LIPA: variants seen among roughly 807,000 people sequenced by gnomAD.
LIPA encodes the protein lysosomal acid lipase/cholesteryl ester hydrolase.
LIPA carries 26 observed loss-of-function variants against 40.6 expected under a neutral mutation model. That is an observed-to-expected ratio of 0.64 (90% CI 0.47 to 0.89). LIPA has a LOEUF of 0.89. Ranked by LOEUF, LIPA falls within the 40% of genes least tolerant of loss-of-function variation. The probability of loss-of-function intolerance (pLI) is 0.00; values close to 1 mark genes in which losing one functional copy is unlikely to be tolerated. For missense variants in LIPA, 455 were observed against 479.6 expected (o/e 0.95, Z 0.48); for synonymous variants, 188 against 168.4 (o/e 1.12, Z -0.90).
chr10:89,263,594 T>C (rs1843221012), intron 1 of LIPA, among the ~76,000 whole-genome samples: 1 of 152,218 alleles, frequency 6.6e-6, no homozygotes, highest in Admixed American at 6.5e-5. Context: ...TTGAGAAGCA[T>C]AGATTTAGTT....
At chr10:89,292,076 C>T (rs1325672592) in intron 1 of LIPA, 3 of 152,210 alleles carry the variant, frequency 2.0e-5, no homozygotes, top group African/African-American at 7.2e-5. Flanking sequence ...CCAGGAACAC[C>T]AGCCTTGGAC....
At chr10:89,251,611 G>T (rs756362803) in intron 1 of LIPA, 126 bp downstream of exon 1, 1 of 152,304 alleles carries the variant, frequency 6.6e-6, no homozygotes, top group African/African-American at 2.4e-5. Flanking sequence ...GGCAAGACTC[G>T]CTGGGTCCAA....
intron 2 of LIPA, among the ~76,000 whole-genome samples, chr10:89,364,544 C>A (rs867161791): frequency 3.3e-5 from 5 of 151,914 alleles, no homozygotes; most frequent in African/African-American, 1.2e-4. Flanking sequence ...TATTGAGATA[C>A]CTTATAATAT....
chr10:89,281,761 G>A (rs763873385), intron 1 of LIPA, among the ~76,000 whole-genome samples: 1 of 152,228 alleles, frequency 6.6e-6, no homozygotes, highest in Non-Finnish European at 1.5e-5. Flanking sequence ...GCCAGTTTTA[G>A]GGAAAGTATT....
intron 1 of LIPA, chr10:89,307,193 G>C: frequency 6.2e-7 from 1 of 1,613,944 alleles, no homozygotes; most frequent in Non-Finnish European, 8.5e-7. Flanking sequence ...AAAGATGAAA[G>C]ACAAACTGCA....
At position 89,386,403 on chromosome 10, in the gene LIPA, G is replaced by A. The variant is rs141460015; in HGVS notation, c.61+26388C>T. Reference sequence around the variant, plus strand: ...CAGGAGTAACACCTTTTTCAACTTTGTTGATAGTAAACAAAGAACGTACTT... The same window carrying A: ...CAGGAGTAACACCTTTTTCAACTTTATTGATAGTAAACAAAGAACGTACTT... On this transcript the variant is annotated intron_variant, in intron 2 of 8. Transcript: ENST00000371837. Among the ~76,000 whole-genome samples, 94 of 152,250 alleles carry A rather than the reference G, an allele frequency of 6.2e-4. 1 individual carries two copies. The East Asian group carries it at 0.015, about 24-fold the overall frequency.
At position 89,215,040 on chromosome 10, in the gene LIPA, C is replaced by T; in HGVS notation, c.988G>A (p.Val330Met). 1 of 1,613,360 alleles carries T rather than the reference C, an allele frequency of 6.2e-7. No homozygotes were observed. Among genetic ancestry groups the T allele is most frequent in the South Asian group, 1.1e-5 (1 of 91,070 alleles). The change falls in exon 10 of 10, where the codon GTG (valine) becomes ATG (methionine). Residue 330 changes from valine to methionine, a missense_variant. Physicochemically the swap from Val to Met is conservative, Grantham distance 21 (BLOSUM62 1). Transcript: ENST00000336233. ...YNQSYPPTYNVKDMLVPTAVW... is the reference protein window; with the variant it reads ...YNQSYPPTYNMKDMLVPTAVW... ...GCAGTCGGCACAAGCATGTCCTTCA[C>T]ATTGTATGTGGGAGGATAACTCTAC...
chr10:89,279,680 C>T (rs1843305683), intron 1 of LIPA, among the ~76,000 whole-genome samples: 1 of 152,156 alleles, frequency 6.6e-6, no homozygotes. Flanking sequence ...AAAAAGTGAC[C>T]TTCCCATGCT....
intron 2 of LIPA, among the ~76,000 whole-genome samples, chr10:89,359,049 C>T (rs1013018327): frequency 1.6e-4 from 25 of 152,094 alleles, no homozygotes; most frequent in Admixed American, 1.6e-3. Context: ...AGGAGGATGC[C>T]CATCAGCCAG....
chr10:89,260,992 C>T (rs545034611), intron 1 of LIPA, among the ~76,000 whole-genome samples: 1 of 152,312 alleles, frequency 6.6e-6, no homozygotes, highest in East Asian at 1.9e-4. Flanking sequence ...GTGACACATT[C>T]CAGCACCAGA....
chr10:89,245,571 T>A, intron 3 of LIPA, 105 bp downstream of exon 3: 1 of 767,392 alleles, frequency 1.3e-6, no homozygotes, highest in South Asian at 1.4e-5. Flanking sequence ...AGTGCTTTCG[T>A]CTAAAAATAA....
intron 1 of LIPA, chr10:89,291,925 A>G (rs940896264): frequency 6.6e-6 from 1 of 152,212 alleles, no homozygotes; most frequent in Non-Finnish European, 1.5e-5. Context: ...AATGTGATGT[A>G]TGTCATTTCC....
intron 4 of LIPA, 114 bp from the exon 5 acceptor site, chr10:89,227,118 G>T (rs11203040): frequency 4.0e-6 from 3 of 751,210 alleles, no homozygotes; most frequent in Non-Finnish European, 4.8e-6. Flanking sequence ...GGGAAAACCA[G>T]CAGTGAGTCC....
chr10:89,405,020 A>G (rs558893275), intron 2 of LIPA: 1 of 152,352 alleles, frequency 6.6e-6, no homozygotes, highest in African/African-American at 2.4e-5. Context: ...AACACTATCA[A>G]TAAATAGCTT....
intron 2 of LIPA, among the ~76,000 whole-genome samples, chr10:89,398,257 A>G (rs1308599265): frequency 2.6e-5 from 4 of 152,228 alleles, no homozygotes; most frequent in Admixed American, 6.5e-5. Flanking sequence ...GGGGGAATGT[A>G]TCTTAAACAG....
At chr10:89,291,254 T>A (rs1232719506) in intron 1 of LIPA, among the ~76,000 whole-genome samples, 4 of 152,028 alleles carry the variant, frequency 2.6e-5, no homozygotes, top group Non-Finnish European at 4.4e-5. Flanking sequence ...CCTTCCTCCC[T>A]GCCTTCCAGA....
chr10:89,392,866 C>A, intron 2 of LIPA: 1 of 792,674 alleles, frequency 1.3e-6, no homozygotes, highest in Non-Finnish European at 2.1e-6. Flanking sequence ...TGTGTGCATG[C>A]ATGTGTGTGC....
chr10:89,401,995 A>C (rs563874207), intron 2 of LIPA, among the ~76,000 whole-genome samples: 1 of 152,338 alleles, frequency 6.6e-6, no homozygotes, highest in South Asian at 2.1e-4. Flanking sequence ...TAAGTTTATT[A>C]ATCCTCACCA....
At chr10:89,342,390 T>G (rs1843880165) in intron 1 of LIPA, 1 of 152,226 alleles carries the variant, frequency 6.6e-6, no homozygotes, top group Non-Finnish European at 1.5e-5. Flanking sequence ...GAGGAGACCC[T>G]GGTTCTAAGA....
Sources: allele counts gnomAD v4.1 joint callset (sites outside exome capture counted in the v4.1 genomes callset), GRCh38; gene constraint gnomAD v4.1.1; transcripts MANE v1.5; gene names NCBI Gene and HGNC (gene_info 2026-07-23, HGNC 2026-07-21).